Variants in CACNG2 observed in about 807,000 individuals in gnomAD.
CACNG2 encodes voltage-dependent calcium channel gamma-2 subunit.
In CACNG2, 3 loss-of-function variants were observed where a neutral mutation model predicts 25.9. The observed-to-expected ratio is 0.12, with a 90% CI of 0.05 to 0.30. The LOEUF is 0.30. Ranked by LOEUF, CACNG2 falls within the 10% of genes least tolerant of loss-of-function variation. CACNG2 has a pLI of 1.00. For missense variants in CACNG2, 341 were observed against 432.5 expected (o/e 0.79, Z 1.88); for synonymous variants, 167 against 173.3 (o/e 0.96, Z 0.29).
At position 36,564,135 on chromosome 22, in the gene CACNG2, C is replaced by G; in HGVS notation, c.*216G>C. ...TTTCCTGTTGTTTTGCTTCTTTGTT[C>G]CTCTTATATTTTGTTCTTTTTTTTA... On this transcript the variant is annotated 3_prime_UTR_variant, in exon 4 of 4. Coordinates refer to ENST00000300105, the MANE Select transcript of CACNG2 (RefSeq NM_006078.5). This position sits in a 1 kb window ranked among gnomAD's most constrained non-coding sequence, Gnocchi z 6.7. 7.2e-6 allele frequency: 3 copies of G among 414,076 alleles called. No homozygotes were observed. The highest frequency in any genetic ancestry group is 4.2e-6 in the Non-Finnish European group (1 of 235,870). 25.7% of individuals were successfully genotyped at this position (414,076 alleles called of 1,614,324 possible).
chr22:36,662,774 T>C (rs1936818616), intron 1 of CACNG2, among the ~76,000 whole-genome samples: 1 of 152,212 alleles, frequency 6.6e-6, no homozygotes, highest in African/African-American at 2.4e-5. Context: ...CAAACACTCT[T>C]TCGTTCAGTT....
At chr22:36,654,637 C>G (rs1249512444) in intron 1 of CACNG2, among the ~76,000 whole-genome samples, 1 of 152,068 alleles carries the variant, frequency 6.6e-6, no homozygotes, top group Non-Finnish European at 1.5e-5. Context: ...TCTTAAGAGT[C>G]AAAAGTCAGA....
intron 1 of CACNG2, among the ~76,000 whole-genome samples, chr22:36,594,863 T>A (rs1367928807): frequency 6.7e-6 from 1 of 148,888 alleles, no homozygotes; most frequent in Non-Finnish European, 1.5e-5. Flanking sequence ...TGTGTGTGCA[T>A]GGGTGTTTGT....
chr22:36,666,625 T>G (rs1936878322), intron 1 of CACNG2, among the ~76,000 whole-genome samples: 1 of 151,860 alleles, frequency 6.6e-6, no homozygotes, highest in Admixed American at 6.6e-5. Flanking sequence ...CATGAAGGTA[T>G]CTAATGCCAC....
intron 1 of CACNG2, among the ~76,000 whole-genome samples, chr22:36,691,511 A>G (rs1356584074): frequency 6.6e-6 from 1 of 152,238 alleles, no homozygotes; most frequent in Non-Finnish European, 1.5e-5. Flanking sequence ...ATTTCTGTTC[A>G]GCATTGCCCT....
chr22:36,587,731 G>T (rs1049385144), intron 1 of CACNG2, among the ~76,000 whole-genome samples, 183 bp from the exon 2 acceptor site: 1 of 152,188 alleles, frequency 6.6e-6, no homozygotes, highest in Non-Finnish European at 1.5e-5. Context: ...ACACACACCC[G>T]CAGTACTGCA....
Position 36,662,805 on chromosome 22 carries a change from T to C in CACNG2, c.211+39561A>G, listed in dbSNP as rs955221343. On this transcript the variant is annotated intron_variant, in intron 1 of 3. Coordinates refer to ENST00000300105, the MANE Select transcript of CACNG2 (RefSeq NM_006078.5). Reference sequence around the variant, plus strand: ...CAGTTTGCCCTACAACTCATCAACGTAGATGTTATTTTTTTCTGTGTCACG... The same window carrying C: ...CAGTTTGCCCTACAACTCATCAACGCAGATGTTATTTTTTTCTGTGTCACG... Among the ~76,000 whole-genome samples the C allele has an allele frequency of 3.3e-5, 5 of 152,204 alleles. No individual in the cohort carries two copies. The East Asian group carries it at 5.8e-4, about 18-fold the overall frequency.
At chr22:36,694,923 A>T (rs935842217) in intron 1 of CACNG2, among the ~76,000 whole-genome samples, 4 of 152,206 alleles carry the variant, frequency 2.6e-5, no homozygotes, top group African/African-American at 9.7e-5. Context: ...AGCATGGCAA[A>T]GCAGGAAAAG....
intron 1 of CACNG2, among the ~76,000 whole-genome samples, chr22:36,693,688 A>G (rs1407833668): frequency 2.0e-5 from 3 of 152,042 alleles, no homozygotes; most frequent in African/African-American, 4.8e-5. Context: ...CCATGGGACC[A>G]TTGGCATTGC....
chr22:36,655,770 T>TTC (rs1161665316), intron 1 of CACNG2, among the ~76,000 whole-genome samples: 3,300 of 142,746 alleles, frequency 0.023, 146 homozygotes, highest in African/African-American at 0.086. Flanking sequence ...TTCTTTCTCT[T>TTC]TCTTTCCTTC....
intron 1 of CACNG2, among the ~76,000 whole-genome samples, chr22:36,676,899 T>C (rs1219638695): frequency 6.7e-6 from 1 of 149,754 alleles, no homozygotes; most frequent in East Asian, 2.0e-4. Flanking sequence ...AGCTGCCTGA[T>C]GGAGCTTGCC....
intron 1 of CACNG2, among the ~76,000 whole-genome samples, chr22:36,615,518 A>G (rs1375424127): frequency 2.0e-5 from 3 of 152,226 alleles, no homozygotes; most frequent in Admixed American, 2.0e-4. Flanking sequence ...CATCCGCATG[A>G]TGGGCTCCTC....
At position 36,564,728 on chromosome 22, in the gene CACNG2, G is replaced by A. The variant is rs1215133047; in HGVS notation, c.595C>T (p.His199Tyr). Residue 199 changes from histidine (H) to tyrosine (Y), a missense_variant, in exon 4 of 4, where the codon CAC becomes TAC. Transcript: ENST00000300105. The surrounding 1 kb of genome is among the most constrained non-coding windows in gnomAD (Gnocchi z 6.7). ...TGTTTGTGCCGGTCGATAAACATGT[G>A]CACCGCCAGCACCCCGACCATCTCG... ...IAEMVGVLAV[H>Y]MFIDRHKQLR... is the part of the protein sequence containing the mutation. 2 of 1,614,188 alleles carry A rather than the reference G, an allele frequency of 1.2e-6. No homozygotes were observed. Among genetic ancestry groups the A allele is most frequent in the Non-Finnish European group, 8.5e-7 (1 of 1,180,040 alleles).
intron 1 of CACNG2, among the ~76,000 whole-genome samples, chr22:36,638,939 A>T (rs1402196877): frequency 6.6e-6 from 1 of 152,234 alleles, no homozygotes; most frequent in Non-Finnish European, 1.5e-5. Context: ...CCATTTATTC[A>T]TTCATGAGTC....
intron 1 of CACNG2, among the ~76,000 whole-genome samples, chr22:36,661,425 C>G (rs1323571651): frequency 6.6e-6 from 1 of 152,162 alleles, no homozygotes; most frequent in Non-Finnish European, 1.5e-5. Flanking sequence ...GACAAATCAT[C>G]CAACTTCTCT....
intron 1 of CACNG2, 134 bp from the exon 2 acceptor site, chr22:36,587,682 C>T (rs909748609): frequency 1.6e-5 from 12 of 752,328 alleles, no homozygotes; most frequent in African/African-American, 8.5e-5. Flanking sequence ...AGGAAGGTTT[C>T]GCTTTGTCCG....
intron 1 of CACNG2, among the ~76,000 whole-genome samples, chr22:36,591,371 G>A (rs1040322719): frequency 1.3e-4 from 20 of 152,180 alleles, no homozygotes; most frequent in Non-Finnish European, 2.5e-4. Context: ...TAGTGGGAAT[G>A]TTCTAGTAGA....
chr22:36,703,595 C>T lies in CACNG2; in HGVS notation c.-1019G>A, dbSNP rs1937444132. ...GCTCCCCGGCTGGCTCCCAGGGCCG[C>T]CCGCCAGGAGGGGGGCGCTGGCCAG... On this transcript the variant is annotated 5_prime_UTR_variant, in exon 1 of 4. Coordinates refer to ENST00000300105, the MANE Select transcript of CACNG2 (RefSeq NM_006078.5). 6.6e-6 allele frequency: 1 copy of T among 152,526 alleles called. No homozygotes were observed. The highest frequency in any genetic ancestry group is 1.5e-5 in the Non-Finnish European group (1 of 68,416). 9.4% of individuals were successfully genotyped at this position (152,526 alleles called of 1,614,324 possible). A position where few individuals can be genotyped will look rare whatever the true frequency, so the allele number is the denominator to read the frequency against.
chr22:36,700,075 C>T (rs892019071), intron 1 of CACNG2, among the ~76,000 whole-genome samples: 4 of 152,228 alleles, frequency 2.6e-5, no homozygotes, highest in African/African-American at 9.6e-5. Context: ...TGGCAGGGCC[C>T]CACAGTACTG....
Sources: allele counts gnomAD v4.1 joint callset (sites outside exome capture counted in the v4.1 genomes callset), GRCh38; gene constraint gnomAD v4.1.1; non-coding constraint Gnocchi (gnomAD v3.1); transcripts MANE v1.5; gene names NCBI Gene and HGNC (gene_info 2026-07-23, HGNC 2026-07-21).